Variants in PSD4 observed in about 807,000 individuals in gnomAD.
PSD4 encodes PH and SEC7 domain-containing protein 4.
PSD4 carries 59 observed loss-of-function variants against 112.5 expected under a neutral mutation model. The observed-to-expected ratio is 0.52, with a 90% CI of 0.43 to 0.65. The LOEUF is 0.65. Ranked by LOEUF, PSD4 falls within the 30% of genes least tolerant of loss-of-function variation. The pLI is 0.00. For synonymous variants in PSD4, 533 were observed against 540.0 expected (o/e 0.99, Z 0.18); for missense variants, 1,267 against 1,352.6 (o/e 0.94, Z 0.99).
chr2:113,182,273 C>G, intron 1 of PSD4, 73 bp from the exon 2 acceptor site: 2 of 613,134 alleles, frequency 3.3e-6, no homozygotes, highest in East Asian at 2.8e-5. Context: ...CCAAACACAT[C>G]TAACACACTA....
At position 113,192,940 on chromosome 2, in the gene PSD4, C is replaced by T. The variant is rs564207241; in HGVS notation, c.1839-108C>T. 2.3e-5 allele frequency: 26 copies of T among 1,136,310 alleles called. 1 individual carries two copies. The South Asian group carries it at 3.7e-4, about 16-fold the overall frequency. The allele number at this position is 1,136,310 out of a possible 1,614,324, so 70.4% of individuals were successfully genotyped here. A position where few individuals can be genotyped will look rare whatever the true frequency, so the allele number is the denominator to read the frequency against. On this transcript the variant is annotated intron_variant, in intron 6 of 16. Transcript: ENST00000245796. ...AGGCCCAGCGTGCCTGCACCCTTCC[C>T]TTGCTCACCCCCACCGCATAATGTG... is the stretch of plus-strand genomic sequence containing the variant.
intron 5 of PSD4, among the ~76,000 whole-genome samples, chr2:113,189,364 T>C (rs904568793): frequency 6.6e-6 from 1 of 150,502 alleles, no homozygotes; most frequent in East Asian, 1.9e-4. Context: ...TATATATATA[T>C]ATACACACAC....
At chr2:113,178,338 AC>A (rs773209480) in intron 1 of PSD4, among the ~76,000 whole-genome samples, 1 of 147,784 alleles carries the variant, frequency 6.8e-6, no homozygotes, top group African/African-American at 2.5e-5. Flanking sequence ...CCTCACCCCC[AC>A]CCCTCCCAGG....
rs749685499 is a variant in PSD4 at position 113,193,864 on chromosome 2, TG to T, written c.2100del (p.Lys701ArgfsTer3). 3 of 1,614,006 alleles carry T rather than the reference TG, an allele frequency of 1.9e-6. No individual in the cohort carries two copies. Among genetic ancestry groups the T allele is most frequent in the Admixed American group, 3.3e-5 (2 of 60,012 alleles). On this transcript the variant is annotated frameshift_variant, in exon 10 of 17. Coordinates refer to ENST00000245796, the MANE Select transcript of PSD4 (RefSeq NM_012455.3). LOFTEE classifies it high-confidence loss of function. Reference sequence around the variant, plus strand: ...CCACTTCTCCGTGGCTACAGAACATTGGGAAGAGCATGAGCTGCCAGGAATT... The same window carrying T: ...CCACTTCTCCGTGGCTACAGAACATTGGAAGAGCATGAGCTGCCAGGAATT... ...LNTDLHGQNI[G>X]KSMSCQEFIT...
In PSD4 at chr2:113,198,249, C is replaced by T. The variant is rs45583032; in HGVS notation, c.2624+336C>T. 3.5e-3 allele frequency: 1,085 copies of T among 307,842 alleles called. 12 individuals are homozygous for T. Among genetic ancestry groups the T allele is most frequent in the African/African-American group, 0.021 (985 of 46,644 alleles). The allele number at this position is 307,842 out of a possible 1,614,324, so 19.1% of individuals were successfully genotyped here. The stretch of plus-strand genomic sequence containing the variant: ...TGGCATTTGTTATGAAATCTGTCAC[C>T]TTCTCAGATTGTCCTCTTTATTTTT... On this transcript the variant is annotated intron_variant, in intron 14 of 16. Coordinates refer to ENST00000245796, the MANE Select transcript of PSD4 (RefSeq NM_012455.3).
intron 12 of PSD4, among the ~76,000 whole-genome samples, chr2:113,196,940 G>C (rs1243759531): frequency 6.6e-6 from 1 of 152,276 alleles, no homozygotes; most frequent in Non-Finnish European, 1.5e-5. Context: ...GATCTCAGCA[G>C]ACTAATGTGC....
intron 13 of PSD4, 47 bp downstream of exon 13, chr2:113,197,681 G>A (rs1688650143): frequency 1.9e-6 from 3 of 1,613,156 alleles, no homozygotes; most frequent in East Asian, 2.2e-5. Flanking sequence ...ACTGAGAGAG[G>A]CCCAGAACAG....
At chr2:113,186,623 G>A (rs1688307941) in intron 5 of PSD4, among the ~76,000 whole-genome samples, 2 of 152,194 alleles carry the variant, frequency 1.3e-5, no homozygotes, top group South Asian at 4.2e-4. Context: ...CCAGGGAAGT[G>A]CAAGGTCAGA....
intron 5 of PSD4, among the ~76,000 whole-genome samples, chr2:113,188,306 C>T (rs938966600): frequency 6.6e-6 from 1 of 152,080 alleles, no homozygotes; most frequent in South Asian, 2.1e-4. Context: ...TGCAATGTTG[C>T]GATCTTGGCT....
chr2:113,195,196 C>T (rs1230367715), intron 10 of PSD4, among the ~76,000 whole-genome samples: 2 of 150,214 alleles, frequency 1.3e-5, no homozygotes, highest in Admixed American at 1.3e-4. Flanking sequence ...GAGTCTCATC[C>T]TGCACTGTCG....
intron 1 of PSD4, among the ~76,000 whole-genome samples, chr2:113,177,328 G>A (rs988453474): frequency 6.6e-6 from 1 of 152,232 alleles, no homozygotes; most frequent in African/African-American, 2.4e-5. Flanking sequence ...GGAGAGTTCT[G>A]AGGATCCATC....
chr2:113,177,499 G>A (rs1688010263), intron 1 of PSD4, among the ~76,000 whole-genome samples: 2 of 152,216 alleles, frequency 1.3e-5, no homozygotes, highest in South Asian at 4.1e-4. Flanking sequence ...TGATCAGTGG[G>A]GCAGGAGGAG....
At position 113,197,913 on chromosome 2, in the gene PSD4, C is replaced by T. The variant is rs775606086; in HGVS notation, c.2624C>T (p.Pro875Leu). ...TGGCGCCTCTACCTCTTCCAGGCACCGTAAGTCCCTGGGGTGGGAGACTGT... is the reference window on the plus strand; with the variant it reads ...TGGCGCCTCTACCTCTTCCAGGCACTGTAAGTCCCTGGGGTGGGAGACTGT... The part of the protein sequence containing the change: ...ADWRLYLFQA[P>L]TAKEMSSWIA... Residue 875 changes from proline (P) to leucine (L), a missense_variant and splice_region_variant, in exon 14 of 17, where the codon CCC becomes CTC. Physicochemically the swap from Pro to Leu is moderately conservative, Grantham distance 98 (BLOSUM62 -3). Around this residue, in one of 2 missense-constraint regions of PSD4, gnomAD observed 544 missense variants for 648.6 expected, o/e 0.84. Transcript: ENST00000245796. 1.7e-5 allele frequency: 27 copies of T among 1,572,480 alleles called. No homozygotes were observed. The highest frequency in any genetic ancestry group is 3.5e-5 in the South Asian group (3 of 86,368).
rs777967009 is a variant in PSD4, at chr2:113,183,111, G to C, written c.655G>C (p.Glu219Gln). Reference protein sequence around the residue: ...EDSGEDSSEPEGEGQAWLREG... With the variant: ...EDSGEDSSEPQGEGQAWLREG... ...CTCAGGGGAAGACAGCAGTGAGCCT[G>C]AGGGAGAGGGCCAGGCATGGCTGAG... Residue 219 changes from glutamate (E) to glutamine (Q), a missense_variant, in exon 2 of 17, where the codon GAG (glutamate) becomes CAG (glutamine). Physicochemically the swap from Glu to Gln is conservative, Grantham distance 29. Transcript: ENST00000245796. 10 of 1,613,876 alleles carry C rather than the reference G, an allele frequency of 6.2e-6. No individual in the cohort carries two copies. Among genetic ancestry groups the C allele is most frequent in the Non-Finnish European group, 8.5e-6 (10 of 1,179,806 alleles).
At chr2:113,175,492 C>T (rs1314950096) in intron 1 of PSD4, 1 of 152,212 alleles carries the variant, frequency 6.6e-6, no homozygotes, top group Non-Finnish European at 1.5e-5. Context: ...TGTCCTGCAG[C>T]TCCAGGCCAG....
At chr2:113,192,094 T>C (rs45557734) in intron 5 of PSD4, among the ~76,000 whole-genome samples, 73 of 151,742 alleles carry the variant, frequency 4.8e-4, no homozygotes, top group African/African-American at 1.3e-3. Context: ...CTCACAGGGA[T>C]GCACCTGCCA....
intron 10 of PSD4, among the ~76,000 whole-genome samples, chr2:113,195,156 G>A (rs935230932): frequency 1.4e-5 from 2 of 141,112 alleles, no homozygotes; most frequent in Admixed American, 7.1e-5. Flanking sequence ...TGTCTGCCCT[G>A]GTCATCATCT....
chr2:113,200,562 C>G (rs954680509), intron 16 of PSD4, among the ~76,000 whole-genome samples: 1 of 152,242 alleles, frequency 6.6e-6, no homozygotes, highest in Non-Finnish European at 1.5e-5. Flanking sequence ...CACTGACCAG[C>G]TGGGACCTTT....
rs532366831 is a variant in PSD4, at chr2:113,206,134, C to T, written c.*4719C>T. ...GCTCTTTGAGCCTATTCTCTACCCC[C>T]TTCATTATCATGCCTTGCAAACACC... On this transcript the variant is annotated 3_prime_UTR_variant, in exon 17 of 17. Coordinates refer to ENST00000245796, the MANE Select transcript of PSD4 (RefSeq NM_012455.3). The T allele has an allele frequency of 6.6e-6, 1 of 152,314 alleles. No homozygotes were observed. The highest frequency in any genetic ancestry group is 1.5e-5 in the Non-Finnish European group (1 of 68,074). 9.4% of individuals were successfully genotyped at this position (152,314 alleles called of 1,614,324 possible).
Sources: allele counts gnomAD v4.1 joint callset (sites outside exome capture counted in the v4.1 genomes callset), GRCh38; gene constraint gnomAD v4.1.1; regional missense constraint gnomAD v4.1.1; transcripts MANE v1.5; gene names NCBI Gene and HGNC (gene_info 2026-07-23, HGNC 2026-07-21).